Variants in GRIP2 observed in about 807,000 individuals in gnomAD.
GRIP2 encodes glutamate receptor-interacting protein 2.
Under a neutral mutation model 108.3 loss-of-function variants are expected in GRIP2, and 58 were observed. The ratio of observed to expected loss-of-function variants is 0.54; its 90% confidence interval spans 0.43 to 0.67. The LOEUF is 0.67. GRIP2 is among the 30% of genes least tolerant of loss of function. GRIP2 has a pLI of 0.00. For missense variants in GRIP2, 1,278 were observed against 1,430.6 expected, an observed-to-expected ratio of 0.89 and a Z score of 1.72; for synonymous variants, 586 against 598.2, an observed-to-expected ratio of 0.98 and a Z score of 0.30.
At chr3:14,539,518 C>T (rs908785499) in intron 1 of GRIP2, among the ~76,000 whole-genome samples, 4 of 152,136 alleles carry the variant, frequency 2.6e-5, no homozygotes, top group Admixed American at 2.0e-4. Context: ...CAGTCCTTGC[C>T]CTTGGAGCTG....
At position 14,532,026 on chromosome 3, in the gene GRIP2, C is replaced by T. The variant is rs1400673831; in HGVS notation, c.41-6095G>A. ...GGCTCTCCTACCACCCCAACCTCTG[C>T]GGCTCCAGCTTAGCCTAGTGTTAGC... On this transcript the variant is annotated intron_variant, in intron 1 of 23. Coordinates refer to ENST00000621039, the MANE Select transcript of GRIP2 (RefSeq NM_001080423.4). 5.3e-5 allele frequency among the ~76,000 whole-genome samples: 8 copies of T among 152,194 alleles called. No individual in the cohort carries two copies. The East Asian group carries it at 5.8e-4, about 11-fold the overall frequency.
chr3:14,581,102 A>G, the GRIP2 span, among the ~76,000 whole-genome samples: 1 of 152,208 alleles, frequency 6.6e-6, no homozygotes, highest in Non-Finnish European at 1.5e-5. Context: ...GATGATAGAC[A>G]GATGGATGGG....
At chr3:14,572,764 A>G in the GRIP2 span, 1 of 571,090 alleles carries the variant, frequency 1.8e-6, no homozygotes, top group Non-Finnish European at 3.1e-6. Flanking sequence ...GGAGCAGGTG[A>G]CTCCTGGTAA....
chr3:14,516,882 G>T (rs906867445), intron 11 of GRIP2, among the ~76,000 whole-genome samples, 182 bp downstream of exon 11: 3 of 152,150 alleles, frequency 2.0e-5, no homozygotes, highest in Admixed American at 6.5e-5. Flanking sequence ...CTCTTGAGCA[G>T]TGCACAACCT....
chr3:14,504,985 A>C (rs186981197), intron 20 of GRIP2, among the ~76,000 whole-genome samples: 125 of 152,314 alleles, frequency 8.2e-4, no homozygotes, highest in African/African-American at 2.9e-3. Context: ...TGTGGGTACC[A>C]GGAGGGAGGG....
chr3:14,533,919 T>A (rs1278452161), intron 1 of GRIP2, among the ~76,000 whole-genome samples: 2 of 152,192 alleles, frequency 1.3e-5, no homozygotes, highest in African/African-American at 4.8e-5. Flanking sequence ...GTCATACTAC[T>A]GTGCGCAAAG....
Position 14,522,786 on chromosome 3 carries a change from G to C in GRIP2, c.566+214C>G. On this transcript the variant is annotated intron_variant, in intron 6 of 23. Transcript: ENST00000621039. The surrounding 1 kb of genome is among the most constrained non-coding windows in gnomAD (Gnocchi z 4.3). ...AAACACCCCAACCCCTGAGACAGCA[G>C]TATGTTGGGGAAGAAAGGGCTCGAG... The C allele has an allele frequency of 1.8e-6, 1 of 563,752 alleles. No individual in the cohort carries two copies. The highest frequency in any genetic ancestry group is 3.2e-6 in the Non-Finnish European group (1 of 311,806). The allele number at this position is 563,752 out of a possible 1,614,324, so 34.9% of individuals were successfully genotyped here. A position where few individuals can be genotyped will look rare whatever the true frequency, so the allele number is the denominator to read the frequency against.
rs1436728448 is a variant in GRIP2 at position 14,505,258 on chromosome 3, G to C, written c.2573+357C>G. ...CACAGCCCAGGGATGGTGCCGGTGG[G>C]CTGAGGGCCCTCGCAGGAGGCCATC... On this transcript the variant is annotated intron_variant, in intron 20 of 23. Transcript: ENST00000621039. The surrounding 1 kb of genome is among the most constrained non-coding windows in gnomAD (Gnocchi z 4.2). 3.3e-5 allele frequency among the ~76,000 whole-genome samples: 5 copies of C among 152,146 alleles called. No homozygotes were observed. The highest frequency in any genetic ancestry group is 7.4e-5 in the Non-Finnish European group (5 of 68,016).
rs1459760423 is a variant in GRIP2 at position 14,526,054 on chromosome 3, C to G, written c.41-123G>C. 3.8e-5 allele frequency: 29 copies of G among 760,716 alleles called. No individual in the cohort carries two copies. In the East Asian group the frequency reaches 7.0e-4, roughly 18 times the overall value. 47.1% of individuals were successfully genotyped at this position (760,716 alleles called of 1,614,324 possible). A position where few individuals can be genotyped will look rare whatever the true frequency, so the allele number is the denominator to read the frequency against. ...TGTAAGATGGGTTCCCTCCTGCCAC[C>G]AGCTCCACCCGATTCTCTGCTGGAG... On this transcript the variant is annotated intron_variant, in intron 1 of 23. Coordinates refer to ENST00000621039, the MANE Select transcript of GRIP2 (RefSeq NM_001080423.4).
Position 14,512,090 on chromosome 3 carries a change from G to A in GRIP2, c.1721-611C>T, listed in dbSNP as rs147461278. Among the ~76,000 whole-genome samples the A allele has an allele frequency of 6.0e-4, 92 of 152,316 alleles. No homozygotes were observed. Among genetic ancestry groups the A allele is most frequent in the African/African-American group, 2.2e-3 (91 of 41,576 alleles). ...GAAGGCCTTGTCAAGTGACATTTGG[G>A]CAAAGCCATGAAGGAGGTAGGGAAG... On this transcript the variant is annotated intron_variant, in intron 14 of 23. Transcript: ENST00000621039. The surrounding 1 kb of genome is among the most constrained non-coding windows in gnomAD (Gnocchi z 5.1).
the GRIP2 span, among the ~76,000 whole-genome samples, chr3:14,575,944 C>T: frequency 1.1e-4 from 17 of 152,344 alleles, no homozygotes; most frequent in Non-Finnish European, 1.9e-4. Context: ...TGAGTCTGGA[C>T]GCCACCCCAT....
intron 1 of GRIP2, among the ~76,000 whole-genome samples, chr3:14,528,903 C>A (rs1202193500): frequency 1.3e-5 from 2 of 152,086 alleles, no homozygotes; most frequent in Non-Finnish European, 2.9e-5. Context: ...ATTCCGGATA[C>A]AAATCCATTG....
intron 21 of GRIP2, among the ~76,000 whole-genome samples, chr3:14,502,708 A>G (rs879856394): frequency 8.5e-5 from 13 of 152,194 alleles, no homozygotes; most frequent in Non-Finnish European, 1.5e-4. Context: ...CAAAAACAAG[A>G]AAGACTGAAA....
intron 17 of GRIP2, among the ~76,000 whole-genome samples, chr3:14,508,825 GA>G (rs1269127151): frequency 9.2e-5 from 14 of 152,264 alleles, no homozygotes; most frequent in African/African-American, 3.4e-4. Flanking sequence ...TATTTAAGAT[GA>G]ATTTCATCTT....
At chr3:14,531,514 T>G (rs1213550050) in intron 1 of GRIP2, among the ~76,000 whole-genome samples, 3 of 152,202 alleles carry the variant, frequency 2.0e-5, no homozygotes, top group Non-Finnish European at 4.4e-5. Flanking sequence ...ATGGGGCATA[T>G]TCTGGTTTCT....
rs78828207 is a variant in GRIP2, at chr3:14,529,278, CAAA to C, written c.41-3350_41-3348del. Among the ~76,000 whole-genome samples the C allele has an allele frequency of 8.1e-5, 9 of 111,096 alleles. No individual in the cohort carries two copies. The South Asian group carries it at 1.5e-3, about 18-fold the overall frequency. 72.9% of individuals were successfully genotyped at this position (111,096 alleles called of 152,430 possible). Reference sequence around the variant, plus strand: ...TGGGCGACAGAGTGAGACTCCGTCTCAAAAAAAAAAAAAAAAAAAAAAAAGGAA... The same window carrying C: ...TGGGCGACAGAGTGAGACTCCGTCTCAAAAAAAAAAAAAAAAAAAAAGGAA... On this transcript the variant is annotated intron_variant, in intron 1 of 23. Coordinates refer to ENST00000621039, the MANE Select transcript of GRIP2 (RefSeq NM_001080423.4).
In GRIP2 at chr3:14,495,908, G is replaced by A. The variant is rs1394295297; in HGVS notation, c.2823+509C>T. Among the ~76,000 whole-genome samples, 3 of 152,296 alleles carry A rather than the reference G, an allele frequency of 2.0e-5. 1 individual carries two copies. In the East Asian group the frequency reaches 5.8e-4, roughly 29 times the overall value. On this transcript the variant is annotated intron_variant, in intron 22 of 23. Coordinates refer to ENST00000621039, the MANE Select transcript of GRIP2 (RefSeq NM_001080423.4). ...CACATGTAATCTCAGCACTTTGAGAGGCTGAGGTGGGCAGATCATTTGAAC... is the reference window on the plus strand; with the variant it reads ...CACATGTAATCTCAGCACTTTGAGAAGCTGAGGTGGGCAGATCATTTGAAC...
In GRIP2 at chr3:14,521,532, G is replaced by A; in HGVS notation, c.712+110C>T. ...CCAGAGAAGCTGTGACTGGCCCAAGGTCATAAGGTCATGCAGCCTTTGCAG... is the reference window on the plus strand; with the variant it reads ...CCAGAGAAGCTGTGACTGGCCCAAGATCATAAGGTCATGCAGCCTTTGCAG... On this transcript the variant is annotated intron_variant, in intron 7 of 23. Coordinates refer to ENST00000621039, the MANE Select transcript of GRIP2 (RefSeq NM_001080423.4). The surrounding 1 kb of genome is among the most constrained non-coding windows in gnomAD (Gnocchi z 5.1). 8.2e-7 allele frequency: 1 copy of A among 1,217,190 alleles called. No homozygotes were observed. The highest frequency in any genetic ancestry group is 1.6e-5 in the South Asian group (1 of 62,164). The allele number at this position is 1,217,190 out of a possible 1,614,324, so 75.4% of individuals were successfully genotyped here. A position where few individuals can be genotyped will look rare whatever the true frequency, so the allele number is the denominator to read the frequency against.
rs561498252 is a variant in GRIP2, at chr3:14,511,681, G to A, written c.1721-202C>T. 2.4e-4 allele frequency among the ~76,000 whole-genome samples: 36 copies of A among 152,302 alleles called. No homozygotes were observed. Among genetic ancestry groups the A allele is most frequent in the African/African-American group, 6.7e-4 (28 of 41,570 alleles). On this transcript the variant is annotated intron_variant, in intron 14 of 23. Coordinates refer to ENST00000621039, the MANE Select transcript of GRIP2 (RefSeq NM_001080423.4). The surrounding 1 kb of genome is among the most constrained non-coding windows in gnomAD (Gnocchi z 4.1). ...CCCCCTGTAAAATGGGGGTGGCACCGCAGACCTCATGGGGATGTGGTGAGA... is the reference window on the plus strand; with the variant it reads ...CCCCCTGTAAAATGGGGGTGGCACCACAGACCTCATGGGGATGTGGTGAGA...
Sources: allele counts gnomAD v4.1 joint callset (sites outside exome capture counted in the v4.1 genomes callset), GRCh38; gene constraint gnomAD v4.1.1; non-coding constraint Gnocchi (gnomAD v3.1); transcripts MANE v1.5; gene names NCBI Gene and HGNC (gene_info 2026-07-23, HGNC 2026-07-21).